Variants in DACH2 observed in about 807,000 individuals in gnomAD.
DACH2 encodes dachshund family transcription factor 2.
Under a neutral mutation model 35.8 loss-of-function variants are expected in DACH2, and 17 were observed. The observed-to-expected ratio is 0.48, with a 90% CI of 0.33 to 0.71. The LOEUF (loss-of-function observed/expected upper bound fraction) is 0.71. Among genes scored for constraint, DACH2 ranks in the 30% least tolerant of loss-of-function variants. DACH2 has a pLI of 0.02. For missense variants in DACH2, 469 were observed against 472.7 expected, an observed-to-expected ratio of 0.99 and a Z score of 0.07; for synonymous variants, 195 against 177.3, an observed-to-expected ratio of 1.10 and a Z score of -0.79.
chrX:86,167,139 G>A lies in DACH2; in HGVS notation c.488+18031G>A, dbSNP rs974088781. On this transcript the variant is annotated intron_variant, in intron 1 of 11. Transcript: ENST00000373125. ...AATAGTTTGAGTAGTATTGGGTTTC[G>A]TTCTTTTTAAAATGTTTGGTAGAAT... Among the ~76,000 whole-genome samples, 7 of 111,160 alleles carry A rather than the reference G, an allele frequency of 6.3e-5. No individual in the cohort carries two copies. In the East Asian group the frequency reaches 8.5e-4, roughly 13 times the overall value.
rs745750919 is a variant in DACH2, at chrX:86,472,680, A to C, written c.528-41599A>C. On this transcript the variant is annotated intron_variant, in intron 2 of 11. Coordinates refer to ENST00000373125, the MANE Select transcript of DACH2 (RefSeq NM_053281.3). ...AGTACCAATAGTTATTATTCTAAAA[A>C]TCTGTCCCTAAGGATTGTTTTTCTG... Among the ~76,000 whole-genome samples, 7 of 112,062 alleles carry C rather than the reference A, an allele frequency of 6.2e-5. No individual in the cohort carries two copies. In the South Asian group the frequency reaches 2.6e-3, roughly 42 times the overall value.
intron 1 of DACH2, among the ~76,000 whole-genome samples, chrX:86,280,538 G>A (rs1349655308): frequency 8.9e-6 from 1 of 111,824 alleles, no homozygotes; most frequent in African/African-American, 3.3e-5. Context: ...TGAAGAAACT[G>A]CATCAACTAA....
intron 2 of DACH2, among the ~76,000 whole-genome samples, chrX:86,451,572 GT>G (rs892440799): frequency 9.0e-6 from 1 of 111,092 alleles, no homozygotes; most frequent in East Asian, 2.8e-4. Flanking sequence ...AGTTTTAAAA[GT>G]TTTTTTCTAA....
chrX:86,748,127 AT>A (rs2147268385), intron 7 of DACH2, among the ~76,000 whole-genome samples: 1 of 111,670 alleles, frequency 9.0e-6, no homozygotes, highest in African/African-American at 3.2e-5. Flanking sequence ...TACTTTTGCG[AT>A]TTTCACATGT....
intron 1 of DACH2, among the ~76,000 whole-genome samples, chrX:86,304,041 A>C (rs2034627930): frequency 8.9e-6 from 1 of 111,838 alleles, no homozygotes; most frequent in South Asian, 3.7e-4. Context: ...CTGATAAACT[A>C]CTGAAACAAA....
Position 86,597,161 on chromosome X carries a change from T to A in DACH2, c.641-53875T>A, listed in dbSNP as rs144576613. On this transcript the variant is annotated intron_variant, in intron 3 of 11. Transcript: ENST00000373125. ...GAATTATATGTTTGGGTTTCCTAGTTCTGCAAAAAGGCAATTGCGATATTG... is the reference window on the plus strand; with the variant it reads ...GAATTATATGTTTGGGTTTCCTAGTACTGCAAAAAGGCAATTGCGATATTG... 2.3e-3 allele frequency among the ~76,000 whole-genome samples: 258 copies of A among 112,033 alleles called. 2 individuals carry two copies. The highest frequency in any genetic ancestry group is 3.7e-3 in the Non-Finnish European group (195 of 53,179).
intron 3 of DACH2, among the ~76,000 whole-genome samples, chrX:86,603,997 C>A (rs910201564): frequency 9.0e-6 from 1 of 111,078 alleles, no homozygotes; most frequent in African/African-American, 3.3e-5. Flanking sequence ...AAATTACAAT[C>A]AGTCTTATAT....
intron 11 of DACH2, among the ~76,000 whole-genome samples, chrX:86,823,409 C>T (rs1370185087): frequency 9.0e-6 from 1 of 111,661 alleles, no homozygotes; most frequent in Non-Finnish European, 1.9e-5. Context: ...CCTTTAAGGC[C>T]CCTAACCTCT....
intron 2 of DACH2, among the ~76,000 whole-genome samples, chrX:86,474,261 A>G (rs2037806419): frequency 8.9e-6 from 1 of 111,865 alleles, no homozygotes; most frequent in Admixed American, 9.5e-5. Flanking sequence ...TATTCTTGTT[A>G]TTAATCCCTT....
chrX:86,564,962 C>T (rs1406532997), intron 3 of DACH2, among the ~76,000 whole-genome samples: 1 of 111,176 alleles, frequency 9.0e-6, no homozygotes, highest in Non-Finnish European at 1.9e-5. Context: ...AGTTTCTCCA[C>T]CCGCTTCTCA....
chrX:86,750,174 T>A lies in DACH2; in HGVS notation c.1240+10292T>A, dbSNP rs775513354. Among the ~76,000 whole-genome samples the A allele has an allele frequency of 8.1e-5, 9 of 111,088 alleles. No individual in the cohort carries two copies. In the East Asian group the frequency reaches 2.5e-3, roughly 31 times the overall value. ...GTGAATATCCTTGTCTTATTTCTTA[T>A]CTCAAGAGGAAAGCTTTCAGTTTTT... On this transcript the variant is annotated intron_variant, in intron 7 of 11. Coordinates refer to ENST00000373125, the MANE Select transcript of DACH2 (RefSeq NM_053281.3).
chrX:86,700,361 A>T (rs964764742), intron 5 of DACH2, among the ~76,000 whole-genome samples: 3 of 111,075 alleles, frequency 2.7e-5, no homozygotes, highest in Admixed American at 1.9e-4. Flanking sequence ...ATAATGTTGA[A>T]GTCTCTCACT....
At chrX:86,403,942 G>GT (rs1321651628) in intron 2 of DACH2, among the ~76,000 whole-genome samples, 1 of 110,343 alleles carries the variant, frequency 9.1e-6, no homozygotes, top group African/African-American at 3.3e-5. Context: ...TCTTCACATG[G>GT]TGGCAGCAAG....
At chrX:86,543,227 C>T (rs193227293) in intron 3 of DACH2, among the ~76,000 whole-genome samples, 107 of 111,568 alleles carry the variant, frequency 9.6e-4, no homozygotes, top group African/African-American at 3.2e-3. Flanking sequence ...GTTCCTGCCC[C>T]CCACTGACTC....
intron 4 of DACH2, among the ~76,000 whole-genome samples, chrX:86,669,368 C>A (rs771138440): frequency 4.5e-5 from 5 of 110,890 alleles, no homozygotes; most frequent in Middle Eastern, 4.6e-3. Flanking sequence ...CTTTCCAATT[C>A]TTGTTTTAGA....
chrX:86,781,287 G>T (rs7051088), intron 7 of DACH2, among the ~76,000 whole-genome samples: 1 of 110,360 alleles, frequency 9.1e-6, no homozygotes, highest in African/African-American at 3.3e-5. Flanking sequence ...TTCTGAAGCC[G>T]GGAGATAGAA....
intron 7 of DACH2, among the ~76,000 whole-genome samples, chrX:86,801,251 A>G (rs1375385023): frequency 9.2e-6 from 1 of 108,618 alleles, no homozygotes; most frequent in Non-Finnish European, 1.9e-5. Flanking sequence ...GTGGAGTCCC[A>G]CTACATTGCC....
intron 2 of DACH2, among the ~76,000 whole-genome samples, chrX:86,468,363 T>C (rs1306941145): frequency 9.0e-6 from 1 of 111,388 alleles, no homozygotes; most frequent in Non-Finnish European, 1.9e-5. Context: ...TATGAATATA[T>C]ATGTGAGTGG....
chrX:86,307,826 C>T lies in DACH2; in HGVS notation c.489-68998C>T, dbSNP rs183574310. The stretch of plus-strand genomic sequence containing the variant: ...ATTACATAAACAGAAATCTGGAGAA[C>T]AGGAATGGGAATGGATACAAAGGGC... On this transcript the variant is annotated intron_variant, in intron 1 of 11. Coordinates refer to ENST00000373125, the MANE Select transcript of DACH2 (RefSeq NM_053281.3). Among the ~76,000 whole-genome samples the T allele has an allele frequency of 3.2e-3, 357 of 111,250 alleles. 3 individuals are homozygous for T. Among genetic ancestry groups the T allele is most frequent in the Middle Eastern group, 0.014 (3 of 217 alleles).
Sources: gnomAD v4.1 joint callset for allele counts (sites outside exome capture counted in the v4.1 genomes callset) on GRCh38, gnomAD v4.1.1 for gene constraint, MANE v1.5 for transcripts, NCBI Gene and HGNC (gene_info 2026-07-23, HGNC 2026-07-21) for gene names.